Variants in MAPKAPK3 observed in about 807,000 individuals in gnomAD.
The protein encoded by MAPKAPK3 is MAP kinase-activated protein kinase 3.
In MAPKAPK3, 35 loss-of-function variants were observed where a neutral mutation model predicts 49.2. The observed-to-expected ratio is 0.71, with a 90% CI of 0.54 to 0.94. The LOEUF is 0.94. Ranked by LOEUF, MAPKAPK3 falls within the 40% of genes least tolerant of loss-of-function variation. The probability of loss-of-function intolerance (pLI) is 0.00; values close to 1 mark genes in which losing one functional copy is unlikely to be tolerated. For missense variants in MAPKAPK3, 398 were observed against 493.1 expected (o/e 0.81, Z 1.83); for synonymous variants, 178 against 188.7 (o/e 0.94, Z 0.46).
upstream of MAPKAPK3, among the ~76,000 whole-genome samples, chr3:50,616,163 C>A (rs904089312): frequency 6.6e-6 from 1 of 152,190 alleles, no homozygotes; most frequent in Non-Finnish European, 1.5e-5. Flanking sequence ...CTTCCCAGTT[C>A]CAAGTGAGCC....
At chr3:50,616,994 T>G (rs1280959484), upstream of MAPKAPK3, 1 of 151,550 alleles carries the variant, frequency 6.6e-6, no homozygotes, top group Non-Finnish European at 1.5e-5. Context: ...TTGTTCCGGC[T>G]CGGGGGCGGG....
At chr3:50,622,826 TCCAGG>T (rs1039898652) in intron 2 of MAPKAPK3, among the ~76,000 whole-genome samples, 2 of 152,236 alleles carry the variant, frequency 1.3e-5, no homozygotes, top group African/African-American at 4.8e-5. Flanking sequence ...CTGCCTGCTG[TCCAGG>T]CTGCACCTCT....
intron 2 of MAPKAPK3, among the ~76,000 whole-genome samples, chr3:50,624,898 C>T (rs913563993): frequency 6.6e-6 from 1 of 152,202 alleles, no homozygotes; most frequent in Non-Finnish European, 1.5e-5. Context: ...GCTCTCAGGA[C>T]AGTGAGACCA....
intron 7 of MAPKAPK3, 33 bp from the exon 8 acceptor site, chr3:50,646,107 A>T (rs1559490900): frequency 6.2e-7 from 1 of 1,606,668 alleles, no homozygotes; most frequent in Non-Finnish European, 8.5e-7. Flanking sequence ...CACTGCTCCC[A>T]CCCTATGCCA....
chr3:50,615,332 CATGTGT>C (rs1220600490), upstream of MAPKAPK3, among the ~76,000 whole-genome samples: 19 of 152,246 alleles, frequency 1.2e-4, no homozygotes, highest in African/African-American at 4.6e-4. Context: ...TGCACATGTG[CATGTGT>C]ATCTGTGTGC....
chr3:50,614,500 AGTGTGTGT>A (rs3066739), upstream of MAPKAPK3, among the ~76,000 whole-genome samples: 7,195 of 138,906 alleles, frequency 0.052, 202 homozygotes, highest in Admixed American at 0.073. Context: ...GTAAGGACAG[AGTGTGTGT>A]GTGTGTGTGT....
chr3:50,611,714 C>A, upstream of MAPKAPK3: 9 of 1,434,172 alleles, frequency 6.3e-6, no homozygotes, highest in South Asian at 1.4e-5. Flanking sequence ...TGGAGGGAAC[C>A]AGTGGGCGCG....
At chr3:50,626,736 C>T (rs2032755322) in intron 2 of MAPKAPK3, among the ~76,000 whole-genome samples, 1 of 152,202 alleles carries the variant, frequency 6.6e-6, no homozygotes, top group African/African-American at 2.4e-5. Context: ...TTATCACGCC[C>T]ATGCCATGGA....
chr3:50,647,264 G>A (rs967367656), intron 10 of MAPKAPK3, 61 bp downstream of exon 10: 7 of 1,399,148 alleles, frequency 5.0e-6, no homozygotes, highest in Non-Finnish European at 6.9e-6. Flanking sequence ...AGGGACTTCA[G>A]GGGGGTGGCT....
intron 2 of MAPKAPK3, among the ~76,000 whole-genome samples, chr3:50,624,725 A>G (rs1003632993): frequency 4.6e-5 from 7 of 152,142 alleles, no homozygotes; most frequent in Non-Finnish European, 8.8e-5. Context: ...TAGTTGGAAC[A>G]TCTGGCTCTG....
chr3:50,646,495 A>G (rs534865674), intron 8 of MAPKAPK3, among the ~76,000 whole-genome samples: 22 of 152,236 alleles, frequency 1.4e-4, no homozygotes, highest in Admixed American at 2.6e-4. Context: ...TTCCTCATTC[A>G]TATTTTCCCC....
chr3:50,615,953 CA>C (rs2032455302), upstream of MAPKAPK3, among the ~76,000 whole-genome samples: 1 of 152,242 alleles, frequency 6.6e-6, no homozygotes, highest in Admixed American at 6.5e-5. Context: ...CCTGCACATG[CA>C]GCCCAGGGGT....
chr3:50,636,641 A>G (rs180777919), intron 2 of MAPKAPK3, among the ~76,000 whole-genome samples: 1 of 152,374 alleles, frequency 6.6e-6, no homozygotes, highest in African/African-American at 2.4e-5. Context: ...CTCAATAAAC[A>G]AAGCATATAT....
chr3:50,643,492 C>T (rs899460895), intron 5 of MAPKAPK3, among the ~76,000 whole-genome samples: 7 of 152,188 alleles, frequency 4.6e-5, no homozygotes, highest in Non-Finnish European at 8.8e-5. Context: ...CCTTCCTTGG[C>T]TTATTTCCTC....
chr3:50,634,222 C>T (rs922751399), intron 2 of MAPKAPK3, among the ~76,000 whole-genome samples: 2 of 152,228 alleles, frequency 1.3e-5, no homozygotes, highest in Non-Finnish European at 2.9e-5. Context: ...GGACCCACAC[C>T]TCAGGTGCAT....
rs763321551 is a variant in MAPKAPK3 at position 50,644,483 on chromosome 3, G to C, written c.579G>C (p.Glu193Asp). 6.2e-7 allele frequency: 1 copy of C among 1,614,200 alleles called. No individual in the cohort carries two copies. The change falls in exon 6 of 11, where the codon GAG (glutamate) becomes GAC (aspartate). Residue 193 changes from glutamate to aspartate, a missense_variant. Glu to Asp is a conservative substitution (Grantham distance 45). Coordinates refer to ENST00000621469, the MANE Select transcript of MAPKAPK3 (RefSeq NM_001243925.2). ...TCACCGATTTTGGCTTTGCTAAGGA[G>C]ACCACCCAAAATGCCCTGCAGACAC... Reference protein sequence around the residue: ...LKLTDFGFAKETTQNALQTPC... With the variant: ...LKLTDFGFAKDTTQNALQTPC...
chr3:50,616,630 G>T (rs1465013655), upstream of MAPKAPK3, among the ~76,000 whole-genome samples: 2 of 152,168 alleles, frequency 1.3e-5, no homozygotes, highest in African/African-American at 4.8e-5. Context: ...GGGGGCAGTC[G>T]CCAGTGCTGG....
intron 2 of MAPKAPK3, among the ~76,000 whole-genome samples, 175 bp downstream of exon 2, chr3:50,617,959 C>T (rs925307265): frequency 1.3e-5 from 2 of 152,218 alleles, no homozygotes; most frequent in African/African-American, 4.8e-5. Context: ...GATGGGGAAA[C>T]TGAGGCGTAG....
At chr3:50,611,790 G>T, upstream of MAPKAPK3, 1 of 1,192,558 alleles carries the variant, frequency 8.4e-7, no homozygotes, top group Non-Finnish European at 1.1e-6. Flanking sequence ...GCAGTGGCGC[G>T]GACCGCCTGC....
Sources: allele counts gnomAD v4.1 joint callset (sites outside exome capture counted in the v4.1 genomes callset), GRCh38; gene constraint gnomAD v4.1.1; transcripts MANE v1.5; gene names NCBI Gene and HGNC (gene_info 2026-07-23, HGNC 2026-07-21).